The following KCND2 variants were observed in gnomAD, a reference collection of about 807,000 sequenced individuals.
KCND2 encodes potassium voltage-gated channel subfamily D member 2.
KCND2 carries 16 observed loss-of-function variants against 54.4 expected under a neutral mutation model. The ratio of observed to expected loss-of-function variants is 0.29; its 90% CI spans 0.20 to 0.45. KCND2 has a LOEUF of 0.45. Ranked by LOEUF, KCND2 falls within the 20% of genes least tolerant of loss-of-function variation. The pLI is 1.00. For synonymous variants in KCND2, 317 were observed against 310.7 expected (o/e 1.02, Z -0.21); for missense variants, 486 against 824.2 (o/e 0.59, Z 5.02).
intron 1 of KCND2, among the ~76,000 whole-genome samples, chr7:120,654,584 TG>T (rs903192283): frequency 6.6e-5 from 10 of 152,250 alleles, no homozygotes; most frequent in African/African-American, 2.4e-4. Flanking sequence ...TTCAACAAGA[TG>T]GGGGGACTGG....
chr7:120,358,235 A>T (rs1253679403), intron 1 of KCND2, among the ~76,000 whole-genome samples: 3 of 152,186 alleles, frequency 2.0e-5, no homozygotes, highest in African/African-American at 7.2e-5. Flanking sequence ...GTCAGTACAG[A>T]TGGTGATGAC....
At chr7:120,395,488 G>C (rs1293194479) in intron 1 of KCND2, among the ~76,000 whole-genome samples, 2 of 151,986 alleles carry the variant, frequency 1.3e-5, no homozygotes, top group Non-Finnish European at 2.9e-5. Context: ...CCTAGCCTGG[G>C]AGAGTTCTTG....
At chr7:120,518,563 T>C (rs572850004) in intron 1 of KCND2, among the ~76,000 whole-genome samples, 1 of 152,180 alleles carries the variant, frequency 6.6e-6, no homozygotes, top group African/African-American at 2.4e-5. Flanking sequence ...TAAAGTTAGG[T>C]GTACAGTTTA....
chr7:120,429,509 G>T (rs1297910198), intron 1 of KCND2, among the ~76,000 whole-genome samples: 1 of 149,392 alleles, frequency 6.7e-6, no homozygotes, highest in Non-Finnish European at 1.5e-5. Context: ...GGAGGAGTGG[G>T]GCAGGGAGAG....
chr7:120,623,721 T>C (rs1268126035), intron 1 of KCND2, among the ~76,000 whole-genome samples: 2 of 152,194 alleles, frequency 1.3e-5, no homozygotes, highest in African/African-American at 4.8e-5. Context: ...AAATGGATGA[T>C]AGAAACAATA....
intron 1 of KCND2, among the ~76,000 whole-genome samples, chr7:120,588,599 C>A (rs536739176): frequency 2.6e-5 from 4 of 152,122 alleles, no homozygotes; most frequent in Admixed American, 2.6e-4. Flanking sequence ...GGATGAAACT[C>A]GATTCTGTTT....
At chr7:120,644,035 AGTGT>A (rs1424169136) in intron 1 of KCND2, among the ~76,000 whole-genome samples, 1 of 152,016 alleles carries the variant, frequency 6.6e-6, no homozygotes. Flanking sequence ...CTTTGGTGAA[AGTGT>A]GTGTGTATGA....
At chr7:120,491,865 T>C (rs1802784661) in intron 1 of KCND2, among the ~76,000 whole-genome samples, 1 of 151,628 alleles carries the variant, frequency 6.6e-6, no homozygotes, top group South Asian at 2.1e-4. Context: ...TTGTGGTTTG[T>C]TATGTTTTAA....
intron 1 of KCND2, among the ~76,000 whole-genome samples, chr7:120,626,391 C>A (rs1793164012): frequency 6.6e-6 from 1 of 152,074 alleles, no homozygotes; most frequent in South Asian, 2.1e-4. Flanking sequence ...TGTCCATTAT[C>A]ATTTTGTATT....
At chr7:120,730,738 G>C (rs1038137064) in intron 1 of KCND2, among the ~76,000 whole-genome samples, 2 of 151,568 alleles carry the variant, frequency 1.3e-5, no homozygotes, top group Non-Finnish European at 2.9e-5. Context: ...CTCAGAATAG[G>C]GTCACTAAAT....
chr7:120,398,033 ATATATT>A (rs1239852395), intron 1 of KCND2, among the ~76,000 whole-genome samples: 22 of 69,992 alleles, frequency 3.1e-4, no homozygotes, highest in South Asian at 1.5e-3. Flanking sequence ...ATATATATAT[ATATATT>A]TGCTCTTTTT....
intron 1 of KCND2, among the ~76,000 whole-genome samples, chr7:120,398,694 G>A (rs1801196350): frequency 6.6e-6 from 1 of 152,128 alleles, no homozygotes; most frequent in Non-Finnish European, 1.5e-5. Context: ...TCAGAAGTAT[G>A]TTTTGTGTCT....
chr7:120,642,546 T>G (rs923721799), intron 1 of KCND2, among the ~76,000 whole-genome samples: 11 of 146,260 alleles, frequency 7.5e-5, no homozygotes, highest in Non-Finnish European at 1.5e-4. Flanking sequence ...AGATTGATAA[T>G]TCGTCTCAAT....
intron 1 of KCND2, among the ~76,000 whole-genome samples, chr7:120,538,954 G>GA (rs1166979659): frequency 6.6e-6 from 1 of 152,084 alleles, no homozygotes; most frequent in African/African-American, 2.4e-5. Flanking sequence ...TAACCAAAAA[G>GA]AAAATGGTGC....
intron 1 of KCND2, among the ~76,000 whole-genome samples, chr7:120,691,049 G>A (rs576422350): frequency 6.6e-6 from 1 of 151,556 alleles, no homozygotes; most frequent in African/African-American, 2.4e-5. Flanking sequence ...AAGTGCAAAG[G>A]TCCTGAAGCA....
At chr7:120,619,142 A>G (rs921330121) in intron 1 of KCND2, among the ~76,000 whole-genome samples, 14 of 152,242 alleles carry the variant, frequency 9.2e-5, no homozygotes, top group African/African-American at 2.7e-4. Context: ...AATGAAAATT[A>G]TTAACATGGC....
chr7:120,412,588 A>G (rs1394462422), intron 1 of KCND2, among the ~76,000 whole-genome samples: 1 of 151,744 alleles, frequency 6.6e-6, no homozygotes, highest in Admixed American at 6.6e-5. Context: ...TTTTCCTTTC[A>G]GCCTGAAAAT....
chr7:120,386,925 G>A (rs1337162069), intron 1 of KCND2, among the ~76,000 whole-genome samples: 1 of 152,088 alleles, frequency 6.6e-6, no homozygotes, highest in African/African-American at 2.4e-5. Context: ...ACCAACTTCA[G>A]TTCTTTATTC....
intron 1 of KCND2, among the ~76,000 whole-genome samples, chr7:120,425,753 G>T (rs1801697482): frequency 6.6e-6 from 1 of 152,202 alleles, no homozygotes; most frequent in Non-Finnish European, 1.5e-5. Flanking sequence ...TCATGAATGT[G>T]CTAGACCTGG....
Sources: allele counts gnomAD v4.1 joint callset (sites outside exome capture counted in the v4.1 genomes callset), GRCh38; gene constraint gnomAD v4.1.1; transcripts MANE v1.5; gene names NCBI Gene and HGNC (gene_info 2026-07-23, HGNC 2026-07-21).